The following ZYG11B variants were observed in gnomAD, a reference collection of about 807,000 sequenced individuals.
ZYG11B encodes the protein protein zyg-11 homolog B.
A neutral mutation model predicts 82.4 loss-of-function variants in ZYG11B; 36 were observed. That is an observed-to-expected ratio of 0.44 (90% confidence interval 0.33 to 0.58). The LOEUF is 0.58. Among genes scored for constraint, ZYG11B ranks in the 20% least tolerant of loss-of-function variants. The pLI is 0.02. For missense variants in ZYG11B, 552 were observed against 895.6 expected, an observed-to-expected ratio of 0.62 and a Z score of 4.90; for synonymous variants, 303 against 312.8, an observed-to-expected ratio of 0.97 and a Z score of 0.33.
intron 6 of ZYG11B, among the ~76,000 whole-genome samples, chr1:52,795,697 A>G (rs1571785155): frequency 2.0e-5 from 3 of 152,220 alleles, no homozygotes; most frequent in Admixed American, 2.0e-4. Context: ...ATAAAATTTC[A>G]ACATTTCATA....
chr1:52,813,184 C>T (rs909629549), intron 10 of ZYG11B, among the ~76,000 whole-genome samples: 1 of 152,160 alleles, frequency 6.6e-6, no homozygotes, highest in Non-Finnish European at 1.5e-5. Context: ...CTTTCCCTAG[C>T]CTCCTGGAGT....
intron 1 of ZYG11B, among the ~76,000 whole-genome samples, chr1:52,731,015 G>C (rs1212772246): frequency 6.6e-6 from 1 of 152,074 alleles, no homozygotes. Flanking sequence ...GCTCATGCCT[G>C]TAATCCCAGC....
At chr1:52,762,571 T>C (rs752799153) in intron 2 of ZYG11B, among the ~76,000 whole-genome samples, 1 of 151,866 alleles carries the variant, frequency 6.6e-6, no homozygotes, top group Admixed American at 6.6e-5. Flanking sequence ...GTTTCCACTA[T>C]ATTTTATTTT....
At chr1:52,807,303 A>G (rs569915354) in intron 10 of ZYG11B, among the ~76,000 whole-genome samples, 16 of 151,294 alleles carry the variant, frequency 1.1e-4, no homozygotes, top group Admixed American at 5.3e-4. Flanking sequence ...TCCCAGCCCA[A>G]TGTGATGTTG....
chr1:52,820,138 T>A (rs1645271259), intron 13 of ZYG11B, among the ~76,000 whole-genome samples: 1 of 151,116 alleles, frequency 6.6e-6, no homozygotes. Context: ...ATGGTCTCGA[T>A]CTCCTGACCT....
intron 1 of ZYG11B, among the ~76,000 whole-genome samples, chr1:52,755,126 A>G (rs1324196832): frequency 6.6e-6 from 1 of 151,708 alleles, no homozygotes; most frequent in Non-Finnish European, 1.5e-5. Context: ...ATGCCTGGCT[A>G]ATTTTTTTGT....
At chr1:52,749,271 CAA>C (rs1644502064) in intron 1 of ZYG11B, among the ~76,000 whole-genome samples, 1 of 151,986 alleles carries the variant, frequency 6.6e-6, no homozygotes, top group Admixed American at 6.6e-5. Context: ...AAAGGACTAA[CAA>C]AAGCTCTGAG....
At position 52,796,276 on chromosome 1, in the gene ZYG11B, C is replaced by A. The variant is rs1172921660; in HGVS notation, c.1335-16C>A. The A allele has an allele frequency of 6.2e-7, 1 of 1,606,444 alleles. No individual in the cohort carries two copies. The highest frequency in any genetic ancestry group is 1.7e-5 in the Admixed American group (1 of 59,850). The stretch of plus-strand genomic sequence containing the variant: ...GCCTCCACGATTAATTCATGAAACC[C>A]TTTTTGTGTTTTCAGGTTTGAAGCA... On this transcript the variant is annotated splice_polypyrimidine_tract_variant and intron_variant, in intron 6 of 13. Coordinates refer to ENST00000294353, the MANE Select transcript of ZYG11B (RefSeq NM_024646.3).
chr1:52,816,780 C>CTTTTTTTTTT (rs71044423), intron 13 of ZYG11B, 151 bp downstream of exon 13: 1 of 229,282 alleles, frequency 4.4e-6, no homozygotes, highest in Non-Finnish European at 7.4e-6. Flanking sequence ...TTAAGGTATT[C>CTTTTTTTTTT]TTTTTTTTTT....
intron 3 of ZYG11B, among the ~76,000 whole-genome samples, chr1:52,777,923 CAG>C (rs779599974): frequency 1.3e-5 from 2 of 152,070 alleles, no homozygotes; most frequent in Admixed American, 6.5e-5. Flanking sequence ...TAAAATAAAA[CAG>C]AGACAAAGGC....
intron 2 of ZYG11B, among the ~76,000 whole-genome samples, chr1:52,767,549 C>A (rs1014857949): frequency 6.6e-6 from 1 of 152,102 alleles, no homozygotes; most frequent in Admixed American, 6.6e-5. Flanking sequence ...GTGATCCATC[C>A]GCCTCGGCCT....
intron 1 of ZYG11B, among the ~76,000 whole-genome samples, chr1:52,739,388 T>G (rs1257645596): frequency 6.6e-6 from 1 of 152,192 alleles, no homozygotes; most frequent in Admixed American, 6.6e-5. Context: ...GTGTGATTCC[T>G]TCCATCTCTT....
At position 52,805,091 on chromosome 1, in the gene ZYG11B, C is replaced by CA. The variant is rs57893615; in HGVS notation, c.1695+2975dup. 6.9e-3 allele frequency: 769 copies of CA among 111,978 alleles called. 3 individuals carry two copies. The highest frequency in any genetic ancestry group is 0.019 in the South Asian group (65 of 3,506). The allele number at this position is 111,978 out of a possible 1,614,324, so 6.9% of individuals were successfully genotyped here. On this transcript the variant is annotated intron_variant, in intron 10 of 13. Coordinates refer to ENST00000294353, the MANE Select transcript of ZYG11B (RefSeq NM_024646.3). ...GGGCAACAAGAGCAAAACTCTGTCT[C>CA]AAAAAAAAAAAAAAAAAAAAAAATG...
chr1:52,756,625 T>TA lies in ZYG11B; in HGVS notation c.196+9dup, dbSNP rs370376504. 4 of 1,595,904 alleles carry TA rather than the reference T, an allele frequency of 2.5e-6. No individual in the cohort carries two copies. The highest frequency in any genetic ancestry group is 3.4e-6 in the Non-Finnish European group (4 of 1,169,962). On this transcript the variant is annotated splice_region_variant and intron_variant, in intron 2 of 13. Transcript: ENST00000294353. The stretch of plus-strand genomic sequence containing the variant: ...TGCTTCGGACCATGGCTTTTCATGG[T>TA]AAAAAAATAAACAGAGGAAACAAAA...
intron 3 of ZYG11B, among the ~76,000 whole-genome samples, chr1:52,778,137 C>T (rs564461670): frequency 1.3e-5 from 2 of 152,202 alleles, no homozygotes; most frequent in African/African-American, 4.8e-5. Flanking sequence ...ATTTAGGCAC[C>T]TGTATAATCT....
intron 1 of ZYG11B, among the ~76,000 whole-genome samples, chr1:52,742,311 A>G (rs1439249485): frequency 6.6e-6 from 1 of 152,010 alleles, no homozygotes; most frequent in Non-Finnish European, 1.5e-5. Flanking sequence ...AATTAGCCAG[A>G]CATGATGACA....
chr1:52,798,059 T>C (rs980438592), intron 8 of ZYG11B, among the ~76,000 whole-genome samples: 1 of 148,524 alleles, frequency 6.7e-6, no homozygotes, highest in Non-Finnish European at 1.5e-5. Context: ...GGAGGTCAAG[T>C]CTGCAGTGAG....
chr1:52,731,957 C>T (rs1322256882), intron 1 of ZYG11B, among the ~76,000 whole-genome samples: 4 of 152,172 alleles, frequency 2.6e-5, no homozygotes, highest in Admixed American at 6.5e-5. Flanking sequence ...GCGTGCAGTA[C>T]CACGCCAGGC....
At chr1:52,797,412 C>CATATATTAT (rs1645032015) in intron 8 of ZYG11B, among the ~76,000 whole-genome samples, 1 of 56,206 alleles carries the variant, frequency 1.8e-5, no homozygotes, top group African/African-American at 8.1e-5. Context: ...AAATATATAT[C>CATATATTAT]ATATATTATA....
Sources: allele counts gnomAD v4.1 joint callset (sites outside exome capture counted in the v4.1 genomes callset), GRCh38; gene constraint gnomAD v4.1.1; transcripts MANE v1.5; gene names NCBI Gene and HGNC (gene_info 2026-07-23, HGNC 2026-07-21).